The following ERC1 variants were observed in gnomAD, a reference collection of about 807,000 sequenced individuals.
ERC1 encodes the protein RAB6 interacting protein 2.
A neutral mutation model predicts 132.0 loss-of-function variants in ERC1; 56 were observed. The observed-to-expected ratio is 0.42, with a 90% CI of 0.34 to 0.53. The LOEUF (loss-of-function observed/expected upper bound fraction) is 0.53. Ranked by LOEUF, ERC1 falls within the 20% of genes least tolerant of loss-of-function variation. The probability of loss-of-function intolerance (pLI) is 0.03; values close to 1 mark genes in which losing one functional copy is unlikely to be tolerated. For missense variants in ERC1, 1,202 were observed against 1,349.9 expected (o/e 0.89, Z 1.72); for synonymous variants, 478 against 476.1 (o/e 1.00, Z -0.05).
intron 12 of ERC1, among the ~76,000 whole-genome samples, chr12:1,196,824 C>CTCTCTCTGTCTG (rs1392869484): frequency 8.3e-6 from 1 of 120,040 alleles, no homozygotes; most frequent in South Asian, 2.4e-4. Context: ...CTCTCTCTCT[C>CTCTCTCTGTCTG]TCTCTCTGTC....
At chr12:1,279,776 A>T (rs1273178861) in intron 14 of ERC1, among the ~76,000 whole-genome samples, 1 of 151,818 alleles carries the variant, frequency 6.6e-6, no homozygotes, top group African/African-American at 2.4e-5. Flanking sequence ...GCTCACTGCA[A>T]CCTCCGCGTC....
At chr12:1,050,137 A>G (rs1971693830) in intron 2 of ERC1, among the ~76,000 whole-genome samples, 5 of 152,150 alleles carry the variant, frequency 3.3e-5, no homozygotes, top group Admixed American at 3.3e-4. Context: ...GGGTGGGGAT[A>G]CCCGTTCTGT....
In ERC1 at chr12:1,175,537, T is replaced by A. The variant is rs184379362; in HGVS notation, c.1738-5003T>A. Reference sequence around the variant, plus strand: ...AGAAGCAGCTCCACATCTGTTCAATTTTTTTTTTTTTTTGAGACGGAGTTT... The same window carrying A: ...AGAAGCAGCTCCACATCTGTTCAATATTTTTTTTTTTTTGAGACGGAGTTT... On this transcript the variant is annotated intron_variant, in intron 8 of 18. Transcript: ENST00000360905. 9.8e-4 allele frequency among the ~76,000 whole-genome samples: 146 copies of A among 148,798 alleles called. 2 individuals carry two copies. The highest frequency in any genetic ancestry group is 1.7e-3 in the Non-Finnish European group (112 of 66,894).
intron 13 of ERC1, among the ~76,000 whole-genome samples, chr12:1,241,767 AC>A (rs1398401476): frequency 6.6e-6 from 1 of 151,800 alleles, no homozygotes; most frequent in African/African-American, 2.4e-5. Context: ...ATCATATGCT[AC>A]ATAATCACAC....
intron 5 of ERC1, 47 bp from the exon 6 acceptor site, chr12:1,112,168 G>T: frequency 7.7e-7 from 1 of 1,290,726 alleles, no homozygotes. Context: ...ACAAGAAGAA[G>T]ACCTAAGTTG....
intron 1 of ERC1, among the ~76,000 whole-genome samples, chr12:1,008,579 A>G (rs749894219): frequency 6.6e-6 from 1 of 151,984 alleles, no homozygotes; most frequent in Non-Finnish European, 1.5e-5. Flanking sequence ...GCCCGGCCAC[A>G]TTATTTTTTA....
At chr12:990,853 C>T (rs2154122957), upstream of ERC1, among the ~76,000 whole-genome samples, 1 of 152,056 alleles carries the variant, frequency 6.6e-6, no homozygotes, top group African/African-American at 2.4e-5. Context: ...CGTCCACTTC[C>T]TACGGCAAGC....
chr12:1,109,550 A>AT (rs901883761), intron 4 of ERC1, among the ~76,000 whole-genome samples: 6 of 152,110 alleles, frequency 3.9e-5, no homozygotes, highest in African/African-American at 1.4e-4. Flanking sequence ...AATATTGGAA[A>AT]TTTTTTTCAC....
intron 17 of ERC1, among the ~76,000 whole-genome samples, chr12:1,442,707 T>C (rs2093190541): frequency 1.3e-5 from 2 of 152,182 alleles, no homozygotes; most frequent in South Asian, 4.1e-4. Context: ...ACAAAGGAAA[T>C]GTGCTATATG....
chr12:1,478,666 G>A lies in ERC1; in HGVS notation c.3214-11427G>A, dbSNP rs9971636. Among the ~76,000 whole-genome samples the A allele has an allele frequency of 2.1e-3, 319 of 152,210 alleles. 1 individual carries two copies. The highest frequency in any genetic ancestry group is 7.3e-3 in the African/African-American group (305 of 41,534). ...AAACTAGCCGGGCGTGGTGGCGAGC[G>A]CCTGTAGTCCCAGCTACTTGGCTGA... On this transcript the variant is annotated intron_variant, in intron 18 of 18. Transcript: ENST00000360905.
chr12:1,141,577 T>C, intron 7 of ERC1, 43 bp from the exon 8 acceptor site: 5 of 1,509,192 alleles, frequency 3.3e-6, no homozygotes, highest in Non-Finnish European at 4.5e-6. Context: ...AATTACATTC[T>C]TTTCTTTTTA....
chr12:1,137,291 G>A (rs978390044), intron 7 of ERC1, among the ~76,000 whole-genome samples: 7 of 150,832 alleles, frequency 4.6e-5, no homozygotes, highest in African/African-American at 1.7e-4. Flanking sequence ...TAGAGATGGG[G>A]TTTCACCATG....
intron 2 of ERC1, among the ~76,000 whole-genome samples, chr12:1,030,155 G>A (rs1967737944): frequency 6.6e-6 from 1 of 152,072 alleles, no homozygotes; most frequent in Admixed American, 6.6e-5. Context: ...GCAAGCTTGA[G>A]TTTTTTTCCT....
At chr12:1,138,358 T>G (rs1949557038) in intron 7 of ERC1, among the ~76,000 whole-genome samples, 1 of 143,240 alleles carries the variant, frequency 7.0e-6, no homozygotes, top group Non-Finnish European at 1.5e-5. Context: ...ATATAATATA[T>G]GTTATATGTA....
chr12:1,380,532 C>T (rs1254744280), intron 16 of ERC1: 1 of 152,274 alleles, frequency 6.6e-6, no homozygotes, highest in Non-Finnish European at 1.5e-5. Flanking sequence ...CCCTCTCTGT[C>T]TTAGCTAAGG....
intron 16 of ERC1, among the ~76,000 whole-genome samples, chr12:1,403,070 A>C (rs2091207403): frequency 6.6e-6 from 1 of 152,270 alleles, no homozygotes; most frequent in South Asian, 2.1e-4. Flanking sequence ...TTGGACATTG[A>C]CATTTTTGTC....
chr12:1,388,838 G>A (rs2089675137), intron 16 of ERC1, among the ~76,000 whole-genome samples: 1 of 152,152 alleles, frequency 6.6e-6, no homozygotes, highest in Non-Finnish European at 1.5e-5. Context: ...GCCATTCTGT[G>A]TATCAAACAC....
chr12:1,170,756 A>G (rs1952972489), intron 8 of ERC1, among the ~76,000 whole-genome samples: 2 of 152,180 alleles, frequency 1.3e-5, no homozygotes. Context: ...CCCTAGTTCC[A>G]TGATCTGTAC....
rs192281029 is a variant in ERC1 at position 1,208,251 on chromosome 12, C to T, written c.2351+18199C>T. 2.0e-5 allele frequency among the ~76,000 whole-genome samples: 3 copies of T among 152,272 alleles called. No individual in the cohort carries two copies. The East Asian group carries it at 5.8e-4, about 29-fold the overall frequency. ...TCCTTTCCTCTGTATCAAGCTTGTC[C>T]AACCCATGGCCCACAGCCCATGGCC... On this transcript the variant is annotated intron_variant, in intron 12 of 18. Coordinates refer to ENST00000360905, the MANE Select transcript of ERC1 (RefSeq NM_178040.4).
Sources: gnomAD v4.1 joint callset for allele counts (sites outside exome capture counted in the v4.1 genomes callset) on GRCh38, gnomAD v4.1.1 for gene constraint, MANE v1.5 for transcripts, NCBI Gene and HGNC (gene_info 2026-07-23, HGNC 2026-07-21) for gene names.